SMC6: variants seen among roughly 807,000 people sequenced by gnomAD.
SMC6 encodes the protein structural maintenance of chromosomes protein 6.
In SMC6, 79 loss-of-function variants were observed where a neutral mutation model predicts 142.2. The ratio of observed to expected loss-of-function variants is 0.56; its 90% CI spans 0.46 to 0.67. The LOEUF (loss-of-function observed/expected upper bound fraction) is 0.67, where lower values mean the gene tolerates loss of function less well. Ranked by LOEUF, SMC6 falls within the 30% of genes least tolerant of loss-of-function variation. The pLI is 0.00. For missense variants in SMC6, 1,072 were observed against 1,284.0 expected (o/e 0.83, Z 2.52); for synonymous variants, 411 against 412.4 (o/e 1.00, Z 0.04).
intron 7 of SMC6, among the ~76,000 whole-genome samples, chr2:17,730,756 C>T (rs1387475419): frequency 6.6e-6 from 1 of 151,562 alleles, no homozygotes; most frequent in Admixed American, 6.6e-5. Flanking sequence ...GCGCCCGCCA[C>T]CACACCCAGC....
chr2:17,665,632 A>C lies in SMC6; in HGVS notation c.3162-19T>G. ...AAGTGAACTAGAAGAAGCAAAATCA[A>C]TTACTCAAATTTCCAAGAAACCTTT... On this transcript the variant is annotated intron_variant, in intron 27 of 27. Transcript: ENST00000448223. 4 of 1,464,598 alleles carry C rather than the reference A, an allele frequency of 2.7e-6. No homozygotes were observed. The highest frequency in any genetic ancestry group is 2.8e-6 in the Non-Finnish European group (3 of 1,065,996). The allele number at this position is 1,464,598 out of a possible 1,614,324, so 90.7% of individuals were successfully genotyped here.
chr2:17,690,455 G>C (rs535787777), intron 23 of SMC6, among the ~76,000 whole-genome samples: 1 of 152,018 alleles, frequency 6.6e-6, no homozygotes, highest in Non-Finnish European at 1.5e-5. Context: ...TTAGCTGCAC[G>C]TGGTGGTGCA....
intron 25 of SMC6, among the ~76,000 whole-genome samples, chr2:17,671,506 G>A (rs1032441486): frequency 6.6e-6 from 1 of 150,870 alleles, no homozygotes; most frequent in African/African-American, 2.4e-5. Context: ...CTACTTGGGA[G>A]GCTGAGGTGG....
chr2:17,691,980 T>A (rs1459057276), intron 23 of SMC6, among the ~76,000 whole-genome samples: 1 of 152,076 alleles, frequency 6.6e-6, no homozygotes, highest in African/African-American at 2.4e-5. Context: ...ATAAAATACC[T>A]AGGAATCCAA....
intron 2 of SMC6, among the ~76,000 whole-genome samples, chr2:17,748,318 T>C (rs1670857487): frequency 6.6e-6 from 1 of 152,218 alleles, no homozygotes; most frequent in Non-Finnish European, 1.5e-5. Context: ...TAGAGTTGAA[T>C]TGTTATGTAA....
intron 25 of SMC6, among the ~76,000 whole-genome samples, chr2:17,672,370 G>A (rs1666800371): frequency 6.6e-6 from 1 of 152,138 alleles, no homozygotes; most frequent in Non-Finnish European, 1.5e-5. Flanking sequence ...AGCTTGAGTT[G>A]TTTTGTATAG....
intron 23 of SMC6, among the ~76,000 whole-genome samples, chr2:17,693,124 T>A (rs954717449): frequency 6.6e-6 from 1 of 152,146 alleles, no homozygotes; most frequent in Non-Finnish European, 1.5e-5. Context: ...GTAAACTAGT[T>A]CAACCACTGT....
intron 14 of SMC6, among the ~76,000 whole-genome samples, chr2:17,716,480 G>A (rs1024060839): frequency 6.6e-6 from 1 of 152,110 alleles, no homozygotes; most frequent in East Asian, 1.9e-4. Flanking sequence ...ACAATGATGG[G>A]CTAGGAATCC....
chr2:17,701,747 A>T lies in SMC6; in HGVS notation c.2223+82T>A, dbSNP rs1668281484. 4.7e-6 allele frequency: 4 copies of T among 842,512 alleles called. No homozygotes were observed. The South Asian group carries it at 5.0e-5, about 11-fold the overall frequency. The allele number at this position is 842,512 out of a possible 1,614,324, so 52.2% of individuals were successfully genotyped here. A position where few individuals can be genotyped will look rare whatever the true frequency, so the allele number is the denominator to read the frequency against. ...GTAGCTTCAATTAAAAGAACTTTCT[A>T]AAAAAGCTGAGTTGATGCCATTAAC... On this transcript the variant is annotated intron_variant, in intron 20 of 27. Transcript: ENST00000448223.
chr2:17,718,031 T>C lies in SMC6; in HGVS notation c.1092+46A>G, dbSNP rs765644964. 5.1e-5 allele frequency: 79 copies of C among 1,552,106 alleles called. No individual in the cohort carries two copies. In the South Asian group the frequency reaches 9.9e-4, roughly 19 times the overall value. ...AAAGGATAGAAGAACAGCCTTTATATTTGCTGTGTGGCTTTTAAAATTCCA... is the reference window on the plus strand; with the variant it reads ...AAAGGATAGAAGAACAGCCTTTATACTTGCTGTGTGGCTTTTAAAATTCCA... On this transcript the variant is annotated intron_variant, in intron 12 of 27. Transcript: ENST00000448223.
chr2:17,721,969 C>A (rs1669394320), intron 9 of SMC6, among the ~76,000 whole-genome samples: 1 of 152,194 alleles, frequency 6.6e-6, no homozygotes, highest in Non-Finnish European at 1.5e-5. Flanking sequence ...CAAACAATTT[C>A]TGTAGCTTAT....
rs1669189898 is a variant in SMC6 at position 17,718,095 on chromosome 2, C to A, written c.1074G>T (p.Arg358Ser). The A allele has an allele frequency of 6.2e-7, 1 of 1,608,884 alleles. No individual in the cohort carries two copies. The highest frequency in any genetic ancestry group is 8.5e-7 in the Non-Finnish European group (1 of 1,177,316). ...ALKADVVAKKRAYNEAEVLYN... is the reference protein window; with the variant it reads ...ALKADVVAKKSAYNEAEVLYN... ...ATCTCACCTCAGCTTCATTATAGGC[C>A]CTTTTCTTAGCAACAACATCTGCTT... Residue 358 changes from arginine (R) to serine (S), a missense_variant, in exon 12 of 28, where the codon AGG becomes AGT. Arg to Ser is a moderately radical substitution (Grantham distance 110, BLOSUM62 -1). Transcript: ENST00000448223.
chr2:17,751,227 TC>T (rs1326347658), intron 2 of SMC6, among the ~76,000 whole-genome samples: 1 of 151,920 alleles, frequency 6.6e-6, no homozygotes, highest in East Asian at 1.9e-4. Flanking sequence ...CGCCTTGTCA[TC>T]CCAGCACTTT....
chr2:17,714,135 T>G (rs999246167), intron 16 of SMC6, among the ~76,000 whole-genome samples: 2 of 150,910 alleles, frequency 1.3e-5, no homozygotes, highest in African/African-American at 4.9e-5. Flanking sequence ...TCACCCAAGC[T>G]GGAGTGCAGT....
chr2:17,697,810 CA>C (rs750142679), intron 21 of SMC6, among the ~76,000 whole-genome samples: 10 of 152,156 alleles, frequency 6.6e-5, no homozygotes, highest in Admixed American at 3.3e-4. Flanking sequence ...GAAGTGTAAG[CA>C]CATAGCTTAG....
chr2:17,682,414 T>C (rs1667275358), intron 24 of SMC6, among the ~76,000 whole-genome samples: 1 of 152,138 alleles, frequency 6.6e-6, no homozygotes, highest in African/African-American at 2.4e-5. Context: ...GAAATCAAAG[T>C]GGAGCTGTTG....
intron 23 of SMC6, among the ~76,000 whole-genome samples, chr2:17,687,137 T>G (rs556754963): frequency 1.3e-5 from 2 of 152,316 alleles, no homozygotes; most frequent in African/African-American, 4.8e-5. Flanking sequence ...TAGAGAAGGT[T>G]TGAAAATATC....
intron 24 of SMC6, 92 bp from the exon 25 acceptor site, chr2:17,679,056 T>C (rs1208588526): frequency 7.7e-6 from 6 of 777,164 alleles, no homozygotes; most frequent in Non-Finnish European, 1.2e-5. Flanking sequence ...GAAAACCAGA[T>C]GGAAATATGC....
intron 16 of SMC6, among the ~76,000 whole-genome samples, chr2:17,714,017 G>A (rs1197152187): frequency 3.3e-5 from 5 of 151,878 alleles, no homozygotes; most frequent in Non-Finnish European, 5.9e-5. Flanking sequence ...ATTTTAAAAA[G>A]TGGAGATGGG....
Sources: allele counts gnomAD v4.1 joint callset (sites outside exome capture counted in the v4.1 genomes callset), GRCh38; gene constraint gnomAD v4.1.1; transcripts MANE v1.5; gene names NCBI Gene and HGNC (gene_info 2026-07-23, HGNC 2026-07-21).